DEF6: variants seen among roughly 807,000 people sequenced by gnomAD.
DEF6 encodes differentially expressed in FDCP 6 homolog.
Under a neutral mutation model 80.5 loss-of-function variants are expected in DEF6, and 32 were observed. That is an observed-to-expected ratio of 0.40 (90% confidence interval 0.30 to 0.53). DEF6 has a LOEUF of 0.53. Ranked by LOEUF, DEF6 falls within the 20% of genes least tolerant of loss-of-function variation. The pLI is 0.57. For missense variants in DEF6, 575 were observed against 818.7 expected (o/e 0.70, Z 3.63); for synonymous variants, 300 against 337.9 (o/e 0.89, Z 1.23).
chr6:35,298,110 A>G (rs1791263875), intron 1 of DEF6, among the ~76,000 whole-genome samples, 158 bp downstream of exon 1: 1 of 152,214 alleles, frequency 6.6e-6, no homozygotes, highest in African/African-American at 2.4e-5. Flanking sequence ...AACTGGGCCA[A>G]CGTAGCCTGG....
intron 1 of DEF6, among the ~76,000 whole-genome samples, chr6:35,303,091 C>CT (rs2150384962): frequency 6.6e-6 from 1 of 152,292 alleles, no homozygotes; most frequent in African/African-American, 2.4e-5. Context: ...GCACAGGAAG[C>CT]TGACAGTCTG....
intron 1 of DEF6, among the ~76,000 whole-genome samples, chr6:35,306,202 T>A (rs564688174): frequency 6.7e-6 from 1 of 148,518 alleles, no homozygotes; most frequent in South Asian, 2.3e-4. Flanking sequence ...CCCAAAAAAA[T>A]TTTGAAGTAA....
At position 35,312,493 on chromosome 6, in the gene DEF6, C is replaced by T. The variant is rs998640078; in HGVS notation, c.615C>T (p.Ala205=). 5.6e-6 allele frequency: 9 copies of T among 1,614,164 alleles called. No homozygotes were observed. Among genetic ancestry groups the T allele is most frequent in the Non-Finnish European group, 7.6e-6 (9 of 1,180,036 alleles). The stretch of plus-strand genomic sequence containing the variant: ...TGGGCCGGGACACCCTCAGCATGGC[C>T]ATCCACGAGGTCTACCAGGAGCTCA... ...RGVGRDTLSM[A]IHEVYQELIQ... is the part of the protein sequence containing the mutation. Residue 205 remains alanine (A), a synonymous_variant, in exon 4 of 11, where the codon GCC becomes GCT. Coordinates refer to ENST00000316637, the MANE Select transcript of DEF6 (RefSeq NM_022047.4). This position sits in a 1 kb window ranked among gnomAD's most constrained non-coding sequence, Gnocchi z 6.6.
At chr6:35,308,724 AAATAAATAAAAT>A (rs1391971335) in intron 1 of DEF6, among the ~76,000 whole-genome samples, 56 of 146,594 alleles carry the variant, frequency 3.8e-4, no homozygotes, top group Non-Finnish European at 3.0e-5. Flanking sequence ...AAATAAAATA[AAATAAATAAAAT>A]AATAAAATAA....
Position 35,316,147 on chromosome 6 carries a change from G to A in DEF6, c.808-1744G>A, listed in dbSNP as rs927205428. ...GCCTCCCAAAGTGCTGGGATTACAG[G>A]TATAAGCCACTGTGCCCGGCCTTTT... On this transcript the variant is annotated intron_variant, in intron 5 of 10. Coordinates refer to ENST00000316637, the MANE Select transcript of DEF6 (RefSeq NM_022047.4). 9 of 152,538 alleles carry A rather than the reference G, an allele frequency of 5.9e-5. No homozygotes were observed. The East Asian group carries it at 1.4e-3, about 23-fold the overall frequency. 9.4% of individuals were successfully genotyped at this position (152,538 alleles called of 1,614,324 possible).
intron 1 of DEF6, among the ~76,000 whole-genome samples, chr6:35,306,438 G>T (rs1393588187): frequency 1.3e-5 from 2 of 151,530 alleles, no homozygotes; most frequent in Non-Finnish European, 2.9e-5. Flanking sequence ...CTGAACCCGA[G>T]AGGCAGAGGT....
chr6:35,298,285 C>G (rs1418708492), intron 1 of DEF6, among the ~76,000 whole-genome samples: 1 of 152,250 alleles, frequency 6.6e-6, no homozygotes, highest in Non-Finnish European at 1.5e-5. Flanking sequence ...AGCACACACA[C>G]CTCCACAGAG....
Position 35,318,397 on chromosome 6 carries a change from G to A in DEF6, c.1141G>A (p.Glu381Lys). 6.5e-7 allele frequency: 1 copy of A among 1,532,714 alleles called. No individual in the cohort carries two copies. The highest frequency in any genetic ancestry group is 8.7e-7 in the Non-Finnish European group (1 of 1,144,398). 94.9% of individuals were successfully genotyped at this position (1,532,714 alleles called of 1,614,324 possible). A position where few individuals can be genotyped will look rare whatever the true frequency, so the allele number is the denominator to read the frequency against. The change falls in exon 7 of 11, where the codon GAG becomes AAG. Residue 381 changes from glutamate (E) to lysine (K), a missense_variant. By Grantham distance (56) the Glu-to-Lys change is moderately conservative. Coordinates refer to ENST00000316637, the MANE Select transcript of DEF6 (RefSeq NM_022047.4). This position sits in a 1 kb window ranked among gnomAD's most constrained non-coding sequence, Gnocchi z 5.1. ...GCAGGCCGAGCGGCTGCTGCAGGAG[G>A]AGGAGGAACGGCGCCGCAGCCAGCA... is the stretch of plus-strand genomic sequence containing the variant. ...QRQAERLLQE[E>K]EERRRSQHRE... is the part of the protein sequence containing the mutation.
intron 3 of DEF6, among the ~76,000 whole-genome samples, chr6:35,311,176 C>T (rs1791460862): frequency 6.6e-6 from 1 of 152,142 alleles, no homozygotes; most frequent in Non-Finnish European, 1.5e-5. Context: ...AATCTGGTCC[C>T]TATCTCCTTA....
At chr6:35,314,596 C>T (rs988216352) in intron 5 of DEF6, among the ~76,000 whole-genome samples, 6 of 151,908 alleles carry the variant, frequency 3.9e-5, no homozygotes, top group African/African-American at 1.5e-4. Context: ...GATCTTTTGC[C>T]CATTTTTAAA....
chr6:35,317,652 C>T, intron 5 of DEF6: 1 of 469,916 alleles, frequency 2.1e-6, no homozygotes, highest in Non-Finnish European at 3.8e-6. Context: ...TACTGGGCCC[C>T]GTGGAATAAT....
intron 9 of DEF6, among the ~76,000 whole-genome samples, 159 bp downstream of exon 9, chr6:35,320,176 T>C (rs1367887926): frequency 6.6e-6 from 1 of 152,226 alleles, no homozygotes; most frequent in Non-Finnish European, 1.5e-5. Context: ...GTCTCTCACC[T>C]GGGAAACTGG....
intron 9 of DEF6, among the ~76,000 whole-genome samples, chr6:35,320,674 T>G (rs1339111895): frequency 6.6e-6 from 1 of 152,248 alleles, no homozygotes; most frequent in African/African-American, 2.4e-5. Flanking sequence ...TGGTTACATT[T>G]TATCTTTTGG....
At chr6:35,311,874 G>A (rs1438497310) in intron 3 of DEF6, among the ~76,000 whole-genome samples, 3 of 152,206 alleles carry the variant, frequency 2.0e-5, no homozygotes, top group Non-Finnish European at 2.9e-5. Context: ...GATCAGAATC[G>A]GGTTCTGGCT....
chr6:35,297,826 AGCC>A lies in DEF6; in HGVS notation c.-27_-25del. ...TCCTGAAACCGGATCTTAGTGTCAG[AGCC>A]GCCCCCAGCCGGGCGGGCGCCTCAG... On this transcript the variant is annotated 5_prime_UTR_variant, in exon 1 of 11. Coordinates refer to ENST00000316637, the MANE Select transcript of DEF6 (RefSeq NM_022047.4). The A allele has an allele frequency of 6.4e-7, 1 of 1,555,470 alleles. No homozygotes were observed. The highest frequency in any genetic ancestry group is 2.3e-5 in the East Asian group (1 of 43,212).
chr6:35,310,477 G>C lies in DEF6; in HGVS notation c.256G>C (p.Val86Leu), dbSNP rs1276131205. 1.1e-5 allele frequency: 17 copies of C among 1,613,822 alleles called. No individual in the cohort carries two copies. The highest frequency in any genetic ancestry group is 1.4e-5 in the Non-Finnish European group (17 of 1,180,022). Residue 86 changes from valine to leucine, a missense_variant, in exon 3 of 11, where the codon GTT (valine) becomes CTT (leucine). Transcript: ENST00000316637. ...GTGGCAGGTGGAGGAGGGGGCTTTT[G>C]TTAAAGAGCACTTTGATGAGCTGTG... ...ILDKVEEGAF[V>L]KEHFDELCWT...
chr6:35,301,207 A>T (rs1475657006), intron 1 of DEF6, among the ~76,000 whole-genome samples: 1 of 152,136 alleles, frequency 6.6e-6, no homozygotes, highest in Admixed American at 6.5e-5. Context: ...AGTGGAGGAA[A>T]AGTTAAGAAC....
intron 1 of DEF6, among the ~76,000 whole-genome samples, chr6:35,302,027 G>T (rs1030866444): frequency 6.6e-6 from 1 of 151,898 alleles, no homozygotes; most frequent in Non-Finnish European, 1.5e-5. Flanking sequence ...GCACCTGGCT[G>T]GATCTGTGTC....
chr6:35,303,935 C>G (rs2150385181), intron 1 of DEF6, among the ~76,000 whole-genome samples: 1 of 152,310 alleles, frequency 6.6e-6, no homozygotes, highest in East Asian at 1.9e-4. Context: ...GGTTCGAGAC[C>G]AGCCTGGCCA....
Sources: gnomAD v4.1 joint callset for allele counts (sites outside exome capture counted in the v4.1 genomes callset) on GRCh38, gnomAD v4.1.1 for gene constraint, Gnocchi (gnomAD v3.1) non-coding constraint, MANE v1.5 for transcripts, NCBI Gene and HGNC (gene_info 2026-07-23, HGNC 2026-07-21) for gene names.